IHO1: variants seen among roughly 807,000 people sequenced by gnomAD.
The protein encoded by IHO1 is interactor of HORMAD1 1.
IHO1 carries 13 observed loss-of-function variants against 31.0 expected under a neutral mutation model. That is an observed-to-expected ratio of 0.42 (90% confidence interval 0.27 to 0.67). IHO1 has a LOEUF of 0.67. Ranked by LOEUF, IHO1 falls within the 30% of genes least tolerant of loss-of-function variation. The pLI, the probability that IHO1 is intolerant of heterozygous loss-of-function variation, is 0.24. For missense variants in IHO1, 599 were observed against 687.5 expected, an observed-to-expected ratio of 0.87 and a Z score of 1.44; for synonymous variants, 221 against 248.4, an observed-to-expected ratio of 0.89 and a Z score of 1.04.
intron 1 of IHO1, among the ~76,000 whole-genome samples, chr3:49,200,180 G>C (rs745573446): frequency 6.6e-6 from 1 of 152,116 alleles, no homozygotes; most frequent in Non-Finnish European, 1.5e-5. Flanking sequence ...GCAGCCTCAA[G>C]AATCTCGCAG....
chr3:49,191,841 A>C, the IHO1 span: 1 of 1,461,674 alleles, frequency 6.8e-7, no homozygotes, highest in Non-Finnish European at 9.3e-7. Flanking sequence ...AGGAAAGAGA[A>C]TCTCTGGAGG....
chr3:49,243,995 C>T (rs1298804759), intron 4 of IHO1, among the ~76,000 whole-genome samples: 3 of 150,090 alleles, frequency 2.0e-5, no homozygotes, highest in Non-Finnish European at 4.4e-5. Context: ...CGCTCTGTCT[C>T]CCAGGCTGGA....
At chr3:49,207,643 A>G (rs914845883) in intron 1 of IHO1, among the ~76,000 whole-genome samples, 5 of 152,180 alleles carry the variant, frequency 3.3e-5, no homozygotes, top group Admixed American at 6.6e-5. Context: ...TTAGTCTGCC[A>G]TTATTCAAAA....
chr3:49,256,613 C>T lies in IHO1; in HGVS notation c.1116C>T (p.Ser372=). Residue 372 remains serine, a synonymous_variant, in exon 8 of 8, where the codon TCC becomes TCT. Transcript: ENST00000452691. The surrounding 1 kb of genome is among the most constrained non-coding windows in gnomAD (Gnocchi z 4.6). ...VTKTGAKNHG[S]SVPGHKIPSD... The stretch of plus-strand genomic sequence containing the variant: ...AAACAGGTGCCAAGAACCATGGTTC[C>T]AGCGTCCCAGGCCATAAGATTCCCA... 3.1e-6 allele frequency: 5 copies of T among 1,614,214 alleles called. No individual in the cohort carries two copies. The highest frequency in any genetic ancestry group is 4.2e-6 in the Non-Finnish European group (5 of 1,180,034).
At chr3:49,191,791 A>C in the IHO1 span, 2 of 1,547,706 alleles carry the variant, frequency 1.3e-6, no homozygotes, top group African/African-American at 2.7e-5. Context: ...AAGGGAGCAG[A>C]AAAGGCAAAC....
intron 1 of IHO1, among the ~76,000 whole-genome samples, chr3:49,211,042 C>G (rs2046206319): frequency 7.7e-6 from 1 of 130,572 alleles, no homozygotes. Context: ...GGGTCTCGCT[C>G]TGTCGCCCAG....
chr3:49,204,884 C>T (rs1278599478), intron 1 of IHO1, among the ~76,000 whole-genome samples: 1 of 151,938 alleles, frequency 6.6e-6, no homozygotes, highest in Non-Finnish European at 1.5e-5. Flanking sequence ...AAAAATTAGT[C>T]GGGCGTGGTG....
At chr3:49,227,944 GTCTT>G (rs1278354153) in intron 2 of IHO1, among the ~76,000 whole-genome samples, 1 of 152,122 alleles carries the variant, frequency 6.6e-6, no homozygotes, top group East Asian at 1.9e-4. Flanking sequence ...CAAAAATTAT[GTCTT>G]TCTTATTGGT....
In IHO1 at chr3:49,255,566, T is replaced by TC; in HGVS notation, c.636+73_636+74insC. On this transcript the variant is annotated intron_variant, in intron 7 of 7. Transcript: ENST00000452691. ...CTAGACCCAGAGAGAAACTTTTTTT[T>TC]TTTTTTTTTTTTTGAGACAGAGTCT... 8.2e-6 allele frequency: 8 copies of TC among 981,580 alleles called. No individual in the cohort carries two copies. The East Asian group carries it at 2.2e-4, about 27-fold the overall frequency. The allele number at this position is 981,580 out of a possible 1,614,324, so 60.8% of individuals were successfully genotyped here.
At chr3:49,204,610 G>C (rs756285962) in intron 1 of IHO1, among the ~76,000 whole-genome samples, 26 of 152,206 alleles carry the variant, frequency 1.7e-4, no homozygotes, top group Non-Finnish European at 3.4e-4. Context: ...ATGATGCTTT[G>C]TTGGGGAAGA....
chr3:49,218,452 G>C (rs567814844), intron 2 of IHO1, among the ~76,000 whole-genome samples: 1 of 147,352 alleles, frequency 6.8e-6, no homozygotes, highest in South Asian at 2.1e-4. Context: ...TGCAATCTTG[G>C]CTCACTGCAG....
chr3:49,223,152 G>A (rs2046374520), intron 2 of IHO1, among the ~76,000 whole-genome samples: 1 of 152,144 alleles, frequency 6.6e-6, no homozygotes. Flanking sequence ...GTGATAAAAG[G>A]TTGTCCATAC....
chr3:49,228,573 G>C (rs976425099), intron 2 of IHO1, among the ~76,000 whole-genome samples: 2 of 152,156 alleles, frequency 1.3e-5, no homozygotes, highest in Middle Eastern at 3.2e-3. Context: ...GTGGGTTCTT[G>C]GTCTCGCAGA....
Position 49,228,396 on chromosome 3 carries a change from C to T in IHO1, c.57-8152C>T, listed in dbSNP as rs147999680. 3.9e-3 allele frequency: 1,666 copies of T among 429,832 alleles called. 11 individuals carry two copies. The highest frequency in any genetic ancestry group is 4.8e-3 in the South Asian group (287 of 59,556). The allele number at this position is 429,832 out of a possible 1,614,324, so 26.6% of individuals were successfully genotyped here. On this transcript the variant is annotated intron_variant, in intron 2 of 7. Coordinates refer to ENST00000452691, the MANE Select transcript of IHO1 (RefSeq NM_001135197.2). ...CCTGACAGCCATGTCTTTAGTCCAG[C>T]GGCCACGCTAGTCACTTTTAACTGG...
intron 2 of IHO1, 33 bp downstream of exon 2, chr3:49,211,869 A>C: frequency 7.5e-7 from 1 of 1,332,246 alleles, no homozygotes; most frequent in Non-Finnish European, 1.1e-6. Flanking sequence ...CTGATCCTTA[A>C]GAGGATTTTC....
chr3:49,206,705 A>G (rs1559436827), intron 1 of IHO1, among the ~76,000 whole-genome samples: 1 of 152,048 alleles, frequency 6.6e-6, no homozygotes, highest in Non-Finnish European at 1.5e-5. Flanking sequence ...CATTTTACCT[A>G]GCCCCTACTC....
Position 49,256,011 on chromosome 3 carries a change from GAGGTTCCCTACA to G in IHO1, c.637-119_637-108del. On this transcript the variant is annotated intron_variant, in intron 7 of 7. Coordinates refer to ENST00000452691, the MANE Select transcript of IHO1 (RefSeq NM_001135197.2). This position sits in a 1 kb window ranked among gnomAD's most constrained non-coding sequence, Gnocchi z 4.6. ...CCGAGTGTAATTGTGCTTACCCTGAGAGGTTCCCTACAAGGAGCAAGCCTTGGTTCTGCTGTC... is the reference window on the plus strand; with the variant it reads ...CCGAGTGTAATTGTGCTTACCCTGAGAGGAGCAAGCCTTGGTTCTGCTGTC... The G allele has an allele frequency of 1.2e-6, 1 of 823,408 alleles. No homozygotes were observed. Among genetic ancestry groups the G allele is most frequent in the Non-Finnish European group, 1.9e-6 (1 of 515,734 alleles). 51.0% of individuals were successfully genotyped at this position (823,408 alleles called of 1,614,324 possible).
chr3:49,196,915 C>T (rs1468156708), upstream of IHO1, among the ~76,000 whole-genome samples: 2 of 151,378 alleles, frequency 1.3e-5, no homozygotes, highest in African/African-American at 4.9e-5. Flanking sequence ...CGTGATCTGC[C>T]CGCCTCGGCC....
Position 49,236,548 on chromosome 3 carries a change from G to T in IHO1, c.57G>T (p.Gly19=). ...TACACTTTTTTTTGCTAAATTTCAGGAACAAGAAGTCATCCAACTGGAATA... is the reference window on the plus strand; with the variant it reads ...TACACTTTTTTTTGCTAAATTTCAGTAACAAGAAGTCATCCAACTGGAATA... ...KEMLSIPSGS[G]NKKSSNWNNN... is the part of the protein sequence containing the mutation. The change falls in exon 3 of 8, where the codon GGG becomes GGT. Residue 19 remains glycine (G), a splice_region_variant and synonymous_variant. Transcript: ENST00000452691. The T allele has an allele frequency of 6.3e-7, 1 of 1,599,668 alleles. No homozygotes were observed. Among genetic ancestry groups the T allele is most frequent in the South Asian group, 1.1e-5 (1 of 89,772 alleles).
Sources: gnomAD v4.1 joint callset for allele counts (sites outside exome capture counted in the v4.1 genomes callset) on GRCh38, gnomAD v4.1.1 for gene constraint, Gnocchi (gnomAD v3.1) non-coding constraint, MANE v1.5 for transcripts, NCBI Gene and HGNC (gene_info 2026-07-23, HGNC 2026-07-21) for gene names.